PPP1R1C: variants seen among roughly 807,000 people sequenced by gnomAD.
PPP1R1C encodes the protein protein phosphatase 1 regulatory subunit 1C.
In PPP1R1C, 15 loss-of-function variants were observed where a neutral mutation model predicts 17.4. The ratio of observed to expected loss-of-function variants is 0.86; its 90% CI spans 0.58 to 1.33. PPP1R1C has a LOEUF of 1.33. Ranked by LOEUF, PPP1R1C falls within the 40% of genes most tolerant of loss-of-function variation. The pLI is 0.00. For missense variants in PPP1R1C, 143 were observed against 130.0 expected (o/e 1.10, Z -0.48); for synonymous variants, 35 against 43.1 (o/e 0.81, Z 0.73).
intron 2 of PPP1R1C, among the ~76,000 whole-genome samples, chr2:182,035,069 G>T (rs1026626788): frequency 6.6e-6 from 1 of 152,152 alleles, no homozygotes; most frequent in Non-Finnish European, 1.5e-5. Flanking sequence ...CTCAATAAAT[G>T]CTTTGTGAGG....
intron 1 of PPP1R1C, among the ~76,000 whole-genome samples, chr2:181,972,359 G>A (rs1685025469): frequency 6.6e-6 from 1 of 152,212 alleles, no homozygotes; most frequent in African/African-American, 2.4e-5. Flanking sequence ...ACAAATAGAT[G>A]ATTTCACTGT....
At chr2:182,036,527 A>T (rs1687008225) in intron 2 of PPP1R1C, among the ~76,000 whole-genome samples, 1 of 152,220 alleles carries the variant, frequency 6.6e-6, no homozygotes. Flanking sequence ...TTTCTGCATA[A>T]ACATAATTTT....
chr2:182,024,857 AAAACAAAC>A (rs374519097), intron 2 of PPP1R1C, among the ~76,000 whole-genome samples: 7,175 of 150,726 alleles, frequency 0.048, 536 homozygotes, highest in African/African-American at 0.16. Context: ...TCTGTCTCAA[AAAACAAAC>A]AAACAAACAA....
chr2:182,012,634 G>C (rs544015981), intron 2 of PPP1R1C, among the ~76,000 whole-genome samples: 1 of 152,080 alleles, frequency 6.6e-6, no homozygotes, highest in African/African-American at 2.4e-5. Context: ...GTAAGGACTT[G>C]CTATGGCCAT....
intron 2 of PPP1R1C, among the ~76,000 whole-genome samples, chr2:182,059,375 T>A (rs1249458337): frequency 6.6e-6 from 1 of 151,960 alleles, no homozygotes. Flanking sequence ...TTTTTTCTGG[T>A]TTGATGAGAG....
intron 4 of PPP1R1C, among the ~76,000 whole-genome samples, chr2:182,067,584 T>C (rs1688021676): frequency 1.3e-5 from 2 of 152,168 alleles, no homozygotes; most frequent in Admixed American, 1.3e-4. Flanking sequence ...ACATGGACTT[T>C]GGCGGACAAG....
intron 4 of PPP1R1C, among the ~76,000 whole-genome samples, chr2:182,064,539 G>A (rs980015558): frequency 3.9e-5 from 6 of 152,080 alleles, no homozygotes; most frequent in Admixed American, 2.0e-4. Context: ...TGAGAGGCCA[G>A]CTGAGCAGCT....
chr2:182,096,268 G>GGGT (rs1345555330), intron 4 of PPP1R1C, among the ~76,000 whole-genome samples: 3 of 152,196 alleles, frequency 2.0e-5, no homozygotes, highest in Non-Finnish European at 4.4e-5. Flanking sequence ...TCTGGGTACA[G>GGGT]GGTGGGACTT....
At chr2:182,116,852 T>C (rs1410876862) in intron 4 of PPP1R1C, among the ~76,000 whole-genome samples, 1 of 152,170 alleles carries the variant, frequency 6.6e-6, no homozygotes, top group Non-Finnish European at 1.5e-5. Flanking sequence ...CTTGTTGTAA[T>C]AGAATTGAGG....
chr2:181,987,953 G>A (rs533199114), intron 2 of PPP1R1C, 54 bp downstream of exon 2: 4 of 1,439,958 alleles, frequency 2.8e-6, no homozygotes, highest in Admixed American at 3.8e-5. Flanking sequence ...ATTGTTTAAA[G>A]AACATCAAAG....
At chr2:182,057,973 G>A (rs539586709) in intron 2 of PPP1R1C, among the ~76,000 whole-genome samples, 6 of 151,956 alleles carry the variant, frequency 3.9e-5, no homozygotes, top group Non-Finnish European at 7.4e-5. Context: ...AAAATTGAAC[G>A]AAGGGCACAT....
intron 4 of PPP1R1C, among the ~76,000 whole-genome samples, chr2:182,073,130 G>A (rs1402174606): frequency 6.6e-6 from 1 of 152,084 alleles, no homozygotes; most frequent in African/African-American, 2.4e-5. Flanking sequence ...ACATAGAGGC[G>A]TTTCTTCGTC....
At chr2:182,088,074 G>A (rs1688682099) in intron 4 of PPP1R1C, among the ~76,000 whole-genome samples, 1 of 147,094 alleles carries the variant, frequency 6.8e-6, no homozygotes, top group African/African-American at 2.5e-5. Flanking sequence ...GCTTTCAGTA[G>A]TTTTTTTTTT....
rs1237731182 is a variant in PPP1R1C, at chr2:182,061,306, C to T, written c.143-136C>T. ...AACCACCCACCTCTGTCCTCCTCTC[C>T]TTCTTAGCTGTAAGTTGTAGTTTTT... On this transcript the variant is annotated intron_variant, in intron 2 of 4. Coordinates refer to ENST00000682840, the MANE Select transcript of PPP1R1C (RefSeq NM_001080545.3). 1.1e-5 allele frequency: 7 copies of T among 618,248 alleles called. No individual in the cohort carries two copies. In the East Asian group the frequency reaches 1.7e-4, roughly 15 times the overall value. 38.3% of individuals were successfully genotyped at this position (618,248 alleles called of 1,614,324 possible).
At chr2:182,094,764 T>C (rs1688883479) in intron 4 of PPP1R1C, among the ~76,000 whole-genome samples, 1 of 152,192 alleles carries the variant, frequency 6.6e-6, no homozygotes, top group Non-Finnish European at 1.5e-5. Context: ...AGCAGTAGGA[T>C]ATATATAACT....
intron 2 of PPP1R1C, among the ~76,000 whole-genome samples, chr2:182,060,709 G>A (rs560080104): frequency 6.6e-6 from 1 of 152,244 alleles, no homozygotes; most frequent in Non-Finnish European, 1.5e-5. Context: ...GGATCATGGG[G>A]TTAGTCTTTG....
chr2:181,980,390 G>A (rs917092557), intron 2 of PPP1R1C, among the ~76,000 whole-genome samples: 5 of 152,136 alleles, frequency 3.3e-5, no homozygotes, highest in Admixed American at 1.3e-4. Flanking sequence ...TCTTCCTCAC[G>A]TTATTCCTGT....
At chr2:182,009,121 ATTTCT>A (rs374992553) in intron 2 of PPP1R1C, among the ~76,000 whole-genome samples, 4 of 152,036 alleles carry the variant, frequency 2.6e-5, no homozygotes, top group African/African-American at 9.7e-5. Flanking sequence ...CAATACACTG[ATTTCT>A]TTTCTTTTGG....
At chr2:182,022,153 T>C (rs1574384456) in intron 2 of PPP1R1C, among the ~76,000 whole-genome samples, 2 of 152,352 alleles carry the variant, frequency 1.3e-5, no homozygotes, top group South Asian at 2.1e-4. Flanking sequence ...AAACAAATAA[T>C]TTAATTAAAG....
Sources: gnomAD v4.1 joint callset for allele counts (sites outside exome capture counted in the v4.1 genomes callset) on GRCh38, gnomAD v4.1.1 for gene constraint, MANE v1.5 for transcripts, NCBI Gene and HGNC (gene_info 2026-07-23, HGNC 2026-07-21) for gene names.